EPB41L5: variants seen among roughly 807,000 people sequenced by gnomAD.
EPB41L5 encodes the protein band 4.1-like protein 5.
A neutral mutation model predicts 106.6 loss-of-function variants in EPB41L5; 55 were observed. The ratio of observed to expected loss-of-function variants is 0.52; its 90% CI spans 0.42 to 0.65. The LOEUF (loss-of-function observed/expected upper bound fraction) is 0.65. EPB41L5 is among the 30% of genes least tolerant of loss of function. EPB41L5 has a pLI of 0.00. For missense variants in EPB41L5, 871 were observed against 882.1 expected (o/e 0.99, Z 0.16); for synonymous variants, 297 against 306.7 (o/e 0.97, Z 0.33).
At chr2:120,106,519 A>G (rs1053922230) in intron 16 of EPB41L5, 1 of 985,312 alleles carries the variant, frequency 1.0e-6, no homozygotes, top group African/African-American at 1.7e-5. Flanking sequence ...TAAATTCGGA[A>G]TTAGAGAAGT....
chr2:120,131,782 A>G (rs542368488), intron 18 of EPB41L5, 67 bp downstream of exon 18: 9 of 1,191,354 alleles, frequency 7.6e-6, no homozygotes, highest in African/African-American at 1.5e-5. Flanking sequence ...TTTTCTTTCC[A>G]AAGACAGTAC....
At chr2:120,112,217 A>C (rs1684756161) in intron 16 of EPB41L5, among the ~76,000 whole-genome samples, 1 of 152,006 alleles carries the variant, frequency 6.6e-6, no homozygotes, top group Non-Finnish European at 1.5e-5. Flanking sequence ...CAACTTTATG[A>C]TGGGTTTATG....
At chr2:120,154,319 C>A (rs370895431) in intron 20 of EPB41L5, among the ~76,000 whole-genome samples, 2 of 151,450 alleles carry the variant, frequency 1.3e-5, no homozygotes, top group African/African-American at 2.4e-5. Flanking sequence ...CCACCATGCC[C>A]GGCTAATTTT....
rs575258214 is a variant in EPB41L5, at chr2:120,100,224, A to C, written c.1179-20A>C. On this transcript the variant is annotated intron_variant, in intron 14 of 24. Transcript: ENST00000263713. ...AAATTTCATATAGGGTTTTTAATTGATTTTTTTTTCCCATTACAGTGTTCA... is the reference window on the plus strand; with the variant it reads ...AAATTTCATATAGGGTTTTTAATTGCTTTTTTTTTCCCATTACAGTGTTCA... The C allele has an allele frequency of 6.3e-7, 1 of 1,592,410 alleles. No individual in the cohort carries two copies. The highest frequency in any genetic ancestry group is 8.6e-7 in the Non-Finnish European group (1 of 1,163,856).
chr2:120,109,443 A>G (rs769256791), intron 16 of EPB41L5, among the ~76,000 whole-genome samples: 6 of 152,186 alleles, frequency 3.9e-5, no homozygotes, highest in Admixed American at 6.5e-5. Context: ...AAACATAAGC[A>G]ATCAGAAGAG....
chr2:120,137,244 A>T (rs548899720), intron 18 of EPB41L5, among the ~76,000 whole-genome samples: 2 of 152,244 alleles, frequency 1.3e-5, no homozygotes, highest in African/African-American at 4.8e-5. Flanking sequence ...TATAGCAATA[A>T]GCACCTACAT....
At chr2:120,134,329 C>T (rs914112467) in intron 18 of EPB41L5, among the ~76,000 whole-genome samples, 34 of 152,134 alleles carry the variant, frequency 2.2e-4, no homozygotes, top group Non-Finnish European at 2.6e-4. Flanking sequence ...GCTCCTTAGA[C>T]GGCATTTCTG....
At chr2:120,108,093 G>T (rs1684553303) in intron 16 of EPB41L5, 2 of 152,038 alleles carry the variant, frequency 1.3e-5, no homozygotes, top group African/African-American at 4.8e-5. Context: ...TGAAGGAATT[G>T]TTGTCACAAT....
At chr2:120,091,529 C>T (rs767869800) in intron 12 of EPB41L5, 26 bp from the exon 13 acceptor site, 4 of 1,563,000 alleles carry the variant, frequency 2.6e-6, no homozygotes, top group Non-Finnish European at 3.5e-6. Flanking sequence ...CTAAAATTTC[C>T]CTTACTTCTG....
intron 3 of EPB41L5, among the ~76,000 whole-genome samples, chr2:120,054,761 G>T (rs945913930): frequency 6.6e-5 from 10 of 151,924 alleles, no homozygotes; most frequent in African/African-American, 2.4e-4. Flanking sequence ...TGACTTGAAG[G>T]GTCTTGTTGC....
chr2:120,174,086 A>T (rs187930683), intron 24 of EPB41L5, among the ~76,000 whole-genome samples: 62 of 152,310 alleles, frequency 4.1e-4, no homozygotes, highest in African/African-American at 1.4e-3. Flanking sequence ...AGAGCCCATG[A>T]GGGCTTCTTT....
At chr2:120,145,605 G>A (rs781563949) in intron 19 of EPB41L5, among the ~76,000 whole-genome samples, 7 of 152,136 alleles carry the variant, frequency 4.6e-5, no homozygotes, top group Admixed American at 2.0e-4. Flanking sequence ...CTAAACACTT[G>A]TATGCCTTTA....
chr2:120,129,427 G>A (rs1196657600), intron 17 of EPB41L5, among the ~76,000 whole-genome samples: 3 of 152,104 alleles, frequency 2.0e-5, no homozygotes, highest in Admixed American at 1.3e-4. Flanking sequence ...AAGCCATCAG[G>A]ATTTAGATTC....
chr2:120,125,351 A>G (rs1382964838), intron 16 of EPB41L5, among the ~76,000 whole-genome samples: 1 of 152,096 alleles, frequency 6.6e-6, no homozygotes, highest in African/African-American at 2.4e-5. Flanking sequence ...TTTTCCCTCC[A>G]TTGGTAAAGT....
At chr2:120,086,716 G>C (rs958973524) in intron 10 of EPB41L5, among the ~76,000 whole-genome samples, 2 of 152,180 alleles carry the variant, frequency 1.3e-5, no homozygotes, top group Admixed American at 6.5e-5. Flanking sequence ...AGTCCACCCT[G>C]TGTAATGGAG....
intron 16 of EPB41L5, among the ~76,000 whole-genome samples, chr2:120,122,158 A>T (rs1276195661): frequency 1.3e-5 from 2 of 152,112 alleles, no homozygotes; most frequent in African/African-American, 4.8e-5. Flanking sequence ...TTCTTTTGCC[A>T]TGCAGAAGCT....
chr2:120,143,450 G>A lies in EPB41L5; in HGVS notation c.1728+319G>A, dbSNP rs781104832. Among the ~76,000 whole-genome samples the A allele has an allele frequency of 8.9e-4, 136 of 152,186 alleles. 3 individuals are homozygous for A. The highest frequency in any genetic ancestry group is 2.5e-4 in the Non-Finnish European group (17 of 68,012). The stretch of plus-strand genomic sequence containing the variant: ...ACAACCCATCTACCCTCAATTTGGC[G>A]ATATGTTTATGTAATTAGCAAAAAG... On this transcript the variant is annotated intron_variant, in intron 19 of 24. Coordinates refer to ENST00000263713, the MANE Select transcript of EPB41L5 (RefSeq NM_020909.4).
intron 16 of EPB41L5, among the ~76,000 whole-genome samples, chr2:120,115,844 C>A (rs892773417): frequency 1.3e-5 from 2 of 152,146 alleles, no homozygotes; most frequent in Non-Finnish European, 2.9e-5. Context: ...GAGTCTTGCA[C>A]TGTCACCCAG....
intron 3 of EPB41L5, among the ~76,000 whole-genome samples, chr2:120,050,293 A>G (rs1439324812): frequency 6.6e-6 from 1 of 152,168 alleles, no homozygotes. Context: ...CTTCACTTTC[A>G]GGTACACCAA....
Sources: allele counts gnomAD v4.1 joint callset (sites outside exome capture counted in the v4.1 genomes callset), GRCh38; gene constraint gnomAD v4.1.1; transcripts MANE v1.5; gene names NCBI Gene and HGNC (gene_info 2026-07-23, HGNC 2026-07-21).